The following GPR146 variants were observed in gnomAD, a reference collection of about 807,000 sequenced individuals.
GPR146 encodes the protein G protein-coupled receptor 146, also known as G-protein coupled receptor 146.
For missense variants in GPR146, 381 were observed against 213.9 expected (o/e 1.78, Z -4.87); for synonymous variants, 203 against 104.3 (o/e 1.95, Z -5.77).
At chr7:1,050,579 G>A (rs1419273469) in intron 1 of GPR146, among the ~76,000 whole-genome samples, 1 of 152,248 alleles carries the variant, frequency 6.6e-6, no homozygotes, top group Non-Finnish European at 1.5e-5. Context: ...CTGCACCCTG[G>A]TGCAGGCGGA....
chr7:1,058,185 A>C lies in GPR146; in HGVS notation c.670A>C (p.Thr224Pro), dbSNP rs778400477. ...GGAGGACACGCCCCTGGACCGGGAC[A>C]CGGGCCGGCTGGAGCCCTCGGCACA... is the stretch of plus-strand genomic sequence containing the variant. ...RREDTPLDRD[T>P]GRLEPSAHRL... is the part of the protein sequence containing the mutation. Residue 224 changes from threonine (T) to proline (P), a missense_variant, in exon 2 of 2, where the codon ACG (threonine) becomes CCG (proline). By Grantham distance (38) the Thr-to-Pro change is conservative. Coordinates refer to ENST00000444847, the MANE Select transcript of GPR146 (RefSeq NM_001303473.2). The C allele has an allele frequency of 5.7e-5, 42 of 741,538 alleles. No homozygotes were observed. The Middle Eastern group carries it at 9.1e-4, about 16-fold the overall frequency. 45.9% of individuals were successfully genotyped at this position (741,538 alleles called of 1,614,324 possible).
rs1380085105 is a variant in GPR146 at position 1,058,246 on chromosome 7, G to C, written c.731G>C (p.Gly244Ala). Residue 244 changes from glycine (G) to alanine (A), a missense_variant, in exon 2 of 2, where the codon GGG becomes GCG. Coordinates refer to ENST00000444847, the MANE Select transcript of GPR146 (RefSeq NM_001303473.2). ...GTGGCCACCGTGTGCACGCAGTTTG[G>C]GCTCTGGACGCCACACTATCTGATC... ...LLVATVCTQF[G>A]LWTPHYLILL... The C allele has an allele frequency of 1.3e-6, 1 of 768,066 alleles. No individual in the cohort carries two copies. The highest frequency in any genetic ancestry group is 2.4e-5 in the East Asian group (1 of 41,216). 47.6% of individuals were successfully genotyped at this position (768,066 alleles called of 1,614,324 possible).
intron 1 of GPR146, among the ~76,000 whole-genome samples, chr7:1,053,688 G>A (rs903924391): frequency 6.6e-6 from 1 of 152,202 alleles, no homozygotes; most frequent in African/African-American, 2.4e-5. Context: ...TTAGCTGGGT[G>A]TGGTGGCAGT....
intron 1 of GPR146, chr7:1,045,588 G>A (rs59471534): frequency 0.3 from 46,239 of 151,994 alleles, 8,645 homozygotes; most frequent in African/African-American, 0.53. Context: ...ATAGTCTACC[G>A]TCCTAACTGG....
At chr7:1,044,954 T>TGTCC (rs2128190859) in intron 1 of GPR146, among the ~76,000 whole-genome samples, 1 of 152,370 alleles carries the variant, frequency 6.6e-6, no homozygotes, top group Non-Finnish European at 1.5e-5. Context: ...GGCTCTCCCA[T>TGTCC]GTCCGACAGG....
At chr7:1,047,222 C>T (rs889742792) in intron 1 of GPR146, among the ~76,000 whole-genome samples, 3 of 152,246 alleles carry the variant, frequency 2.0e-5, no homozygotes, top group Admixed American at 6.5e-5. Flanking sequence ...CGCTCACTGG[C>T]CCAGCAAGGT....
chr7:1,055,713 C>T (rs141784151), intron 1 of GPR146, among the ~76,000 whole-genome samples: 303 of 152,214 alleles, frequency 2.0e-3, no homozygotes, highest in Non-Finnish European at 2.8e-3. Context: ...TGAAGGTGGC[C>T]GGCCGGGTGT....
rs1784072696 is a variant in GPR146 at position 1,058,192 on chromosome 7, G to A, written c.677G>A (p.Arg226Gln). ...ACGCCCCTGGACCGGGACACGGGCCGGCTGGAGCCCTCGGCACACAGGCTG... is the reference window on the plus strand; with the variant it reads ...ACGCCCCTGGACCGGGACACGGGCCAGCTGGAGCCCTCGGCACACAGGCTG... ...EDTPLDRDTG[R>Q]LEPSAHRLLV... The change falls in exon 2 of 2, where the codon CGG (arginine) becomes CAG (glutamine). Residue 226 changes from arginine to glutamine, a missense_variant. Transcript: ENST00000444847. The A allele has an allele frequency of 2.7e-6, 2 of 744,316 alleles. No individual in the cohort carries two copies. Among genetic ancestry groups the A allele is most frequent in the Non-Finnish European group, 2.5e-6 (1 of 406,132 alleles). 46.1% of individuals were successfully genotyped at this position (744,316 alleles called of 1,614,324 possible).
intron 1 of GPR146, among the ~76,000 whole-genome samples, chr7:1,050,367 G>T (rs1437419721): frequency 2.0e-5 from 3 of 152,254 alleles, no homozygotes; most frequent in African/African-American, 7.2e-5. Context: ...TCCACCTGCG[G>T]CGGGCACATC....
At chr7:1,057,019 A>G (rs891392836) in intron 1 of GPR146, among the ~76,000 whole-genome samples, 14 of 152,042 alleles carry the variant, frequency 9.2e-5, no homozygotes, top group African/African-American at 3.4e-4. Context: ...AGGCTCTGCA[A>G]GGACTCCAAG....
chr7:1,057,467 G>T, intron 1 of GPR146, 25 bp from the exon 2 acceptor site: 3 of 711,240 alleles, frequency 4.2e-6, no homozygotes, highest in South Asian at 3.1e-5. Context: ...GACGCGAGCT[G>T]ACCACCTGTT....
Position 1,052,574 on chromosome 7 carries a change from C to A in GPR146, c.-24-4918C>A, listed in dbSNP as rs1783233215. On this transcript the variant is annotated intron_variant, in intron 1 of 1. Transcript: ENST00000444847. The surrounding 1 kb of genome is among the most constrained non-coding windows in gnomAD (Gnocchi z 4.2). ...GAGCAGCTGCCAGGGACGGCCTGGC[C>A]TGGGAGGGTGGCCAGGAACTGGGGG... is the stretch of plus-strand genomic sequence containing the variant. Among the ~76,000 whole-genome samples the A allele has an allele frequency of 3.3e-5, 5 of 152,142 alleles. No individual in the cohort carries two copies. In the South Asian group the frequency reaches 1.0e-3, roughly 32 times the overall value.
At chr7:1,047,012 ACT>A (rs1264176092) in intron 1 of GPR146, among the ~76,000 whole-genome samples, 2 of 151,316 alleles carry the variant, frequency 1.3e-5, no homozygotes, top group East Asian at 1.9e-4. Context: ...TGCAGTAGAG[ACT>A]CTCTGTTCTT....
intron 1 of GPR146, among the ~76,000 whole-genome samples, chr7:1,050,744 A>G (rs949226318): frequency 3.3e-5 from 5 of 152,218 alleles, no homozygotes; most frequent in East Asian, 1.9e-4. Context: ...ACGAGTACGC[A>G]TTAGGAGTGA....
intron 1 of GPR146, among the ~76,000 whole-genome samples, chr7:1,050,810 C>T (rs1028445994): frequency 6.6e-6 from 1 of 152,170 alleles, no homozygotes; most frequent in Non-Finnish European, 1.5e-5. Context: ...ACGGGCACAC[C>T]GGAAACAGCG....
intron 1 of GPR146, among the ~76,000 whole-genome samples, chr7:1,051,641 G>A (rs774447744): frequency 2.0e-5 from 3 of 152,252 alleles, no homozygotes; most frequent in Non-Finnish European, 4.4e-5. Flanking sequence ...AGGACGGGCA[G>A]TAGGTGCAAG....
intron 1 of GPR146, among the ~76,000 whole-genome samples, chr7:1,047,984 G>A (rs1782737352): frequency 6.6e-6 from 1 of 152,150 alleles, no homozygotes; most frequent in East Asian, 1.9e-4. Flanking sequence ...TCCCCTGCCT[G>A]CAAAGAGCTC....
chr7:1,054,515 G>A (rs1429704536), intron 1 of GPR146, among the ~76,000 whole-genome samples: 2 of 152,220 alleles, frequency 1.3e-5, no homozygotes, highest in East Asian at 3.9e-4. Flanking sequence ...GGACGCACGT[G>A]AGCGCAGGGA....
chr7:1,049,238 G>C (rs73267942), intron 1 of GPR146, among the ~76,000 whole-genome samples: 2,153 of 152,354 alleles, frequency 0.014, 50 homozygotes, highest in African/African-American at 0.048. Flanking sequence ...CAAAGATTCT[G>C]AGCAAAAGGT....
Sources: gnomAD v4.1 joint callset for allele counts (sites outside exome capture counted in the v4.1 genomes callset) on GRCh38, gnomAD v4.1.1 for gene constraint, Gnocchi (gnomAD v3.1) non-coding constraint, MANE v1.5 for transcripts, NCBI Gene and HGNC (gene_info 2026-07-23, HGNC 2026-07-21) for gene names.